Variants in NALF1 observed in about 807,000 individuals in gnomAD.
NALF1 encodes the protein NALCN channel auxiliary factor 1.
A neutral mutation model predicts 48.4 loss-of-function variants in NALF1; 3 were observed. The observed-to-expected ratio is 0.06, with a 90% confidence interval of 0.03 to 0.16. The LOEUF is 0.16. Ranked by LOEUF, NALF1 falls within the 10% of genes least tolerant of loss-of-function variation. The pLI is 1.00. For synonymous variants in NALF1, 262 were observed against 245.7 expected (o/e 1.07, Z -0.62); for missense variants, 526 against 571.5 (o/e 0.92, Z 0.81).
chr13:107,174,209 T>G (rs1156496850), intron 2 of NALF1, among the ~76,000 whole-genome samples: 1 of 152,154 alleles, frequency 6.6e-6, no homozygotes, highest in Non-Finnish European at 1.5e-5. Flanking sequence ...GTTCTTCTCA[T>G]GGAAACACCA....
At chr13:107,550,556 T>C (rs1877264536) in intron 1 of NALF1, among the ~76,000 whole-genome samples, 5 of 152,184 alleles carry the variant, frequency 3.3e-5, no homozygotes, top group Admixed American at 3.3e-4. Flanking sequence ...ATCTCTCTCA[T>C]TGATCTTTTC....
chr13:107,547,350 A>G (rs1326049389), intron 1 of NALF1, among the ~76,000 whole-genome samples: 1 of 152,194 alleles, frequency 6.6e-6, no homozygotes, highest in African/African-American at 2.4e-5. Flanking sequence ...TTAATTTGAC[A>G]TTATTTACTA....
chr13:107,236,228 A>G (rs1880339122), intron 1 of NALF1, among the ~76,000 whole-genome samples: 1 of 152,160 alleles, frequency 6.6e-6, no homozygotes, highest in Admixed American at 6.5e-5. Context: ...TGTCTCAGAC[A>G]TGCTGTCTGC....
At chr13:107,564,774 G>A (rs1467696510) in intron 1 of NALF1, among the ~76,000 whole-genome samples, 1 of 152,022 alleles carries the variant, frequency 6.6e-6, no homozygotes, top group Admixed American at 6.6e-5. Context: ...CAATAGGACA[G>A]GGCTTCTCTT....
intron 1 of NALF1, among the ~76,000 whole-genome samples, chr13:107,377,527 G>C (rs575502370): frequency 6.6e-6 from 1 of 152,254 alleles, no homozygotes; most frequent in East Asian, 1.9e-4. Context: ...GCTCACACCT[G>C]TAATCCCAGT....
intron 1 of NALF1, among the ~76,000 whole-genome samples, chr13:107,783,064 G>A (rs1189692387): frequency 1.4e-5 from 2 of 139,040 alleles, no homozygotes; most frequent in African/African-American, 5.8e-5. Flanking sequence ...GGAGGGAGGT[G>A]GGGGGGTCAG....
chr13:107,359,519 A>G (rs1883023909), intron 1 of NALF1, among the ~76,000 whole-genome samples: 1 of 152,196 alleles, frequency 6.6e-6, no homozygotes, highest in Non-Finnish European at 1.5e-5. Context: ...TTAAAGAAAT[A>G]TTAATATTCT....
chr13:107,536,137 T>C (rs1876800568), intron 1 of NALF1, among the ~76,000 whole-genome samples: 1 of 152,138 alleles, frequency 6.6e-6, no homozygotes, highest in African/African-American at 2.4e-5. Context: ...GAAGAAAACC[T>C]AGGCAATACC....
At chr13:107,246,878 T>G (rs779728716) in intron 1 of NALF1, among the ~76,000 whole-genome samples, 29 of 152,194 alleles carry the variant, frequency 1.9e-4, no homozygotes, top group Non-Finnish European at 3.4e-4. Flanking sequence ...AATAAACAAC[T>G]AATTAAGTGG....
chr13:107,322,748 C>T (rs144704775), intron 1 of NALF1, among the ~76,000 whole-genome samples: 1 of 152,144 alleles, frequency 6.6e-6, no homozygotes, highest in African/African-American at 2.4e-5. Context: ...TCCACTCTTT[C>T]AAGTCCACAA....
At chr13:107,511,409 CA>C (rs1875887053) in intron 1 of NALF1, among the ~76,000 whole-genome samples, 1 of 151,998 alleles carries the variant, frequency 6.6e-6, no homozygotes, top group South Asian at 2.1e-4. Flanking sequence ...GGTTGGCAAG[CA>C]AAATCTATAG....
At position 107,866,360 on chromosome 13, in the gene NALF1, CTGCTGCCGCTGCTGCTGCTGG is replaced by C. The variant is rs1295619542; in HGVS notation, c.216_236del (p.His72_Gln78del). Reference sequence around the variant, plus strand: ...GCCTCTGCTGCTGCTGCTGCTGCTGCTGCTGCCGCTGCTGCTGCTGGTGCTCCTTGTCCCGGGCCCGGGTCA... The same window carrying C: ...GCCTCTGCTGCTGCTGCTGCTGCTGCTGCTCCTTGTCCCGGGCCCGGGTCA... On this transcript the variant is annotated inframe_deletion, in exon 1 of 3. Transcript: ENST00000375915. The surrounding 1 kb of genome is among the most constrained non-coding windows in gnomAD (Gnocchi z 4.4). 2 of 1,571,714 alleles carry C rather than the reference CTGCTGCCGCTGCTGCTGCTGG, an allele frequency of 1.3e-6. No individual in the cohort carries two copies. The highest frequency in any genetic ancestry group is 1.7e-5 in the Admixed American group (1 of 59,538).
chr13:107,265,399 G>T (rs1179603532), intron 1 of NALF1, among the ~76,000 whole-genome samples: 2 of 151,974 alleles, frequency 1.3e-5, no homozygotes, highest in Non-Finnish European at 2.9e-5. Flanking sequence ...CAATTTTAAG[G>T]CATGCTGTAG....
At chr13:107,818,406 T>G (rs1879239493) in intron 1 of NALF1, among the ~76,000 whole-genome samples, 1 of 152,026 alleles carries the variant, frequency 6.6e-6, no homozygotes, top group African/African-American at 2.4e-5. Context: ...TTGGAGACAC[T>G]GGAGGAAGTA....
intron 1 of NALF1, among the ~76,000 whole-genome samples, chr13:107,841,673 T>C (rs1358453683): frequency 6.6e-6 from 1 of 152,100 alleles, no homozygotes; most frequent in Non-Finnish European, 1.5e-5. Context: ...TTCAATTGTT[T>C]GTTTGACTTT....
At chr13:107,796,007 T>C (rs9559160) in intron 1 of NALF1, among the ~76,000 whole-genome samples, 23,587 of 152,108 alleles carry the variant, frequency 0.16, 2,218 homozygotes, top group Admixed American at 0.27. Flanking sequence ...AGTGTTGATA[T>C]TGGTGAGTGT....
chr13:107,588,199 C>T (rs9520499), intron 1 of NALF1, among the ~76,000 whole-genome samples: 26,343 of 152,082 alleles, frequency 0.17, 2,334 homozygotes, highest in Middle Eastern at 0.26. Flanking sequence ...TTGCCATACA[C>T]ACATTTCAGC....
intron 1 of NALF1, among the ~76,000 whole-genome samples, chr13:107,483,272 C>G (rs968934778): frequency 6.6e-6 from 1 of 152,104 alleles, no homozygotes; most frequent in East Asian, 1.9e-4. Flanking sequence ...TTAAAAGTCC[C>G]AAATTTCCGT....
chr13:107,659,212 C>G (rs1196231332), intron 1 of NALF1, among the ~76,000 whole-genome samples: 1 of 152,008 alleles, frequency 6.6e-6, no homozygotes, highest in Admixed American at 6.6e-5. Flanking sequence ...GTCACGTTCC[C>G]CTGGGAAGCC....
Sources: gnomAD v4.1 joint callset for allele counts (sites outside exome capture counted in the v4.1 genomes callset) on GRCh38, gnomAD v4.1.1 for gene constraint, Gnocchi (gnomAD v3.1) non-coding constraint, MANE v1.5 for transcripts, NCBI Gene and HGNC (gene_info 2026-07-23, HGNC 2026-07-21) for gene names.